Variants in PSMA1 observed in about 807,000 individuals in gnomAD.
The protein encoded by PSMA1 is proteasome 20S subunit alpha 1, also known as proteasome subunit alpha type-1.
Under a neutral mutation model 38.4 loss-of-function variants are expected in PSMA1, and 3 were observed. The ratio of observed to expected loss-of-function variants is 0.08; its 90% CI spans 0.04 to 0.20. The LOEUF (loss-of-function observed/expected upper bound fraction) is 0.20, where lower values mean the gene tolerates loss of function less well. Among genes scored for constraint, PSMA1 ranks in the 10% least tolerant of loss-of-function variants. The pLI is 1.00. For synonymous variants in PSMA1, 101 were observed against 107.1 expected (o/e 0.94, Z 0.35); for missense variants, 227 against 325.3 (o/e 0.70, Z 2.32).
chr11:14,506,884 T>C (rs1292466177), intron 9 of PSMA1, among the ~76,000 whole-genome samples: 1 of 152,188 alleles, frequency 6.6e-6, no homozygotes, highest in Non-Finnish European at 1.5e-5. Flanking sequence ...AGAGGCTCAG[T>C]CATCCTAGCA....
intron 1 of PSMA1, among the ~76,000 whole-genome samples, chr11:14,632,799 T>C (rs1222669763): frequency 6.6e-5 from 10 of 151,908 alleles, no homozygotes; most frequent in Non-Finnish European, 1.3e-4. Flanking sequence ...CACTTTCAGG[T>C]ACACCAATCA....
At chr11:14,568,290 A>G (rs1852097784) in intron 2 of PSMA1, among the ~76,000 whole-genome samples, 1 of 152,230 alleles carries the variant, frequency 6.6e-6, no homozygotes, top group African/African-American at 2.4e-5. Flanking sequence ...GAAGAGAAAG[A>G]AAAGCTCCTT....
intron 2 of PSMA1, 126 bp from the exon 3 acceptor site, chr11:14,518,107 T>G (rs1185275452): frequency 8.8e-6 from 4 of 453,156 alleles, no homozygotes; most frequent in Non-Finnish European, 1.4e-5. Flanking sequence ...CAAGAGACCT[T>G]TTTTTTTTTT....
chr11:14,560,552 C>G (rs988488578), intron 2 of PSMA1, among the ~76,000 whole-genome samples: 2 of 152,168 alleles, frequency 1.3e-5, no homozygotes, highest in African/African-American at 4.8e-5. Context: ...ACCAGTCAAT[C>G]ACCAGGACCT....
At chr11:14,521,135 G>GTCCGACATCTCTGCAAACAGCTGCCAA (rs1554967358), upstream of PSMA1, among the ~76,000 whole-genome samples, 1 of 151,172 alleles carries the variant, frequency 6.6e-6, no homozygotes, top group Non-Finnish European at 1.5e-5. Flanking sequence ...TAACGAAATA[G>GTCCGACATCTCTGCAAACAGCTGCCAA]TCTGACATCC....
chr11:14,600,545 C>T (rs773158690), intron 2 of PSMA1, among the ~76,000 whole-genome samples: 6 of 152,184 alleles, frequency 3.9e-5, no homozygotes, highest in Admixed American at 2.6e-4. Context: ...TGGGAGCCGC[C>T]GAGCCAGGCA....
chr11:14,575,382 T>C (rs930087254), intron 2 of PSMA1, among the ~76,000 whole-genome samples: 26 of 152,068 alleles, frequency 1.7e-4, no homozygotes, highest in Non-Finnish European at 2.6e-4. Flanking sequence ...TTACATTAGG[T>C]ATATCTCCTA....
At chr11:14,611,180 A>G in intron 1 of PSMA1, 1 of 563,850 alleles carries the variant, frequency 1.8e-6, no homozygotes, top group Non-Finnish European at 3.2e-6. Flanking sequence ...GGTAAAAGGA[A>G]CATGAGTTAT....
At chr11:14,518,473 T>C (rs1326032727) in intron 2 of PSMA1, among the ~76,000 whole-genome samples, 3 of 152,228 alleles carry the variant, frequency 2.0e-5, no homozygotes, top group Non-Finnish European at 2.9e-5. Context: ...TACACATATA[T>C]AGTAGGGTCA....
At chr11:14,535,880 A>G (rs1326160475) in intron 2 of PSMA1, among the ~76,000 whole-genome samples, 1 of 152,152 alleles carries the variant, frequency 6.6e-6, no homozygotes, top group Admixed American at 6.5e-5. Context: ...AGATACCTCT[A>G]TTGATCAATT....
At chr11:14,513,965 G>T (rs1229307714) in intron 5 of PSMA1, 78 bp from the exon 6 acceptor site, 1 of 1,444,534 alleles carries the variant, frequency 6.9e-7, no homozygotes, top group African/African-American at 1.5e-5. Flanking sequence ...TATTAACAAA[G>T]GTCTCTGGCT....
chr11:14,520,348 G>C lies in PSMA1; in HGVS notation c.-49C>G, dbSNP rs1589981379. On this transcript the variant is annotated 5_prime_UTR_variant, in exon 1 of 10. Coordinates refer to ENST00000396394, the MANE Select transcript of PSMA1 (RefSeq NM_002786.4). The stretch of plus-strand genomic sequence containing the variant: ...GGCCTCCAGCAAAACTGAGAATCAA[G>C]GAGGTGCTGCCGAAAGTATCGCTCA... The C allele has an allele frequency of 6.2e-7, 1 of 1,614,196 alleles. No individual in the cohort carries two copies. Among genetic ancestry groups the C allele is most frequent in the East Asian group, 2.2e-5 (1 of 44,880 alleles).
intron 2 of PSMA1, among the ~76,000 whole-genome samples, chr11:14,597,704 T>C (rs1852517418): frequency 6.6e-6 from 1 of 152,332 alleles, no homozygotes; most frequent in East Asian, 1.9e-4. Flanking sequence ...AACCAGCCCC[T>C]AGATTCATTG....
At chr11:14,516,833 G>A (rs1851438214) in intron 4 of PSMA1, among the ~76,000 whole-genome samples, 2 of 152,146 alleles carry the variant, frequency 1.3e-5, no homozygotes, top group African/African-American at 4.8e-5. Context: ...GGCTGAGGCA[G>A]GAGAATCGCT....
intron 2 of PSMA1, among the ~76,000 whole-genome samples, chr11:14,537,571 A>G (rs1851723614): frequency 6.6e-6 from 1 of 150,842 alleles, no homozygotes; most frequent in Non-Finnish European, 1.5e-5. Context: ...CAGTTTCACT[A>G]AAGAAAAATT....
intron 1 of PSMA1, among the ~76,000 whole-genome samples, chr11:14,636,977 T>G (rs1339809005): frequency 6.6e-6 from 1 of 152,238 alleles, no homozygotes; most frequent in African/African-American, 2.4e-5. Flanking sequence ...CAAACTAACC[T>G]TCATTCAATA....
At chr11:14,575,873 C>G (rs140327119) in intron 2 of PSMA1, among the ~76,000 whole-genome samples, 77 of 152,338 alleles carry the variant, frequency 5.1e-4, no homozygotes, top group Non-Finnish European at 8.5e-4. Flanking sequence ...TACAGTCCCA[C>G]CAGCAATGTA....
chr11:14,535,567 C>T (rs1242069971), intron 2 of PSMA1, among the ~76,000 whole-genome samples: 4 of 151,878 alleles, frequency 2.6e-5, no homozygotes, highest in Non-Finnish European at 4.4e-5. Flanking sequence ...CCTCAGCTTC[C>T]CGAGTAGCTG....
At chr11:14,541,767 G>T (rs919419045) in intron 2 of PSMA1, among the ~76,000 whole-genome samples, 1 of 152,196 alleles carries the variant, frequency 6.6e-6, no homozygotes, top group African/African-American at 2.4e-5. Context: ...ACATGGCATG[G>T]AAAATTTGCA....
Sources: gnomAD v4.1 joint callset for allele counts (sites outside exome capture counted in the v4.1 genomes callset) on GRCh38, gnomAD v4.1.1 for gene constraint, MANE v1.5 for transcripts, NCBI Gene and HGNC (gene_info 2026-07-23, HGNC 2026-07-21) for gene names.